Variants in PSME4 observed in about 807,000 individuals in gnomAD.
The protein encoded by PSME4 is proteasome activator complex subunit 4.
Under a neutral mutation model 253.9 loss-of-function variants are expected in PSME4, and 89 were observed. That is an observed-to-expected ratio of 0.35 (90% CI 0.30 to 0.42). PSME4 has a LOEUF of 0.42. PSME4 is among the 10% of genes least tolerant of loss of function. The pLI is 1.00. For synonymous variants in PSME4, 851 were observed against 759.2 expected (o/e 1.12, Z -1.99); for missense variants, 2,014 against 2,195.2 (o/e 0.92, Z 1.65).
At chr2:53,901,252 A>G in intron 28 of PSME4, 98 bp downstream of exon 28, 1 of 1,138,232 alleles carries the variant, frequency 8.8e-7, no homozygotes. Flanking sequence ...CTCAAATGCC[A>G]AGAATATTAT....
chr2:53,970,689 G>C lies in PSME4; in HGVS notation c.96C>G (p.Ile32Met). The C allele has an allele frequency of 1.3e-6, 2 of 1,549,872 alleles. No homozygotes were observed. The highest frequency in any genetic ancestry group is 2.4e-5 in the South Asian group (2 of 84,024). ...CGTAGGGCAGCAGCTTGTTGTAGAC[G>C]ATCTCCTTCTGCGGGACGAAGCCCC... ...GPRGFVPQKE[I>M]VYNKLLPYAE... Residue 32 changes from isoleucine (I) to methionine (M), a missense_variant, in exon 1 of 47, where the codon ATC (isoleucine) becomes ATG (methionine). Physicochemically the swap from Ile to Met is conservative, Grantham distance 10 (BLOSUM62 1). Coordinates refer to ENST00000404125, the MANE Select transcript of PSME4 (RefSeq NM_014614.3).
chr2:53,932,136 C>G, intron 9 of PSME4, 36 bp from the exon 10 acceptor site: 1 of 1,591,056 alleles, frequency 6.3e-7, no homozygotes, highest in Non-Finnish European at 8.6e-7. Flanking sequence ...TAAGTAGGTT[C>G]TACTTTGCCG....
intron 20 of PSME4, among the ~76,000 whole-genome samples, chr2:53,917,775 T>C (rs1319871572): frequency 2.0e-5 from 3 of 152,214 alleles, no homozygotes; most frequent in Non-Finnish European, 4.4e-5. Flanking sequence ...GTTAAGATCA[T>C]AGGTGAAAAT....
In PSME4 at chr2:53,970,932, G is replaced by T; in HGVS notation, c.-148C>A. On this transcript the variant is annotated 5_prime_UTR_variant, in exon 1 of 47. Coordinates refer to ENST00000404125, the MANE Select transcript of PSME4 (RefSeq NM_014614.3). ...GACCGATCGCTAGGCCCCCTTCCCT[G>T]GCCGGCGTGCTGCTGGGCCCCACGC... The T allele has an allele frequency of 3.2e-6, 2 of 621,724 alleles. No homozygotes were observed. Among genetic ancestry groups the T allele is most frequent in the Non-Finnish European group, 2.5e-6 (1 of 397,674 alleles). The allele number at this position is 621,724 out of a possible 1,614,324, so 38.5% of individuals were successfully genotyped here.
intron 45 of PSME4, 137 bp downstream of exon 45, chr2:53,866,610 G>C: frequency 1.1e-6 from 1 of 922,754 alleles, no homozygotes; most frequent in Non-Finnish European, 1.6e-6. Context: ...AATAATTACT[G>C]GTGAGCAGAC....
intron 38 of PSME4, 78 bp downstream of exon 38, chr2:53,888,643 G>T: frequency 1.0e-6 from 1 of 997,002 alleles, no homozygotes; most frequent in South Asian, 1.4e-5. Flanking sequence ...TACAAGTATA[G>T]ACCATTCATT....
At chr2:53,966,760 G>A (rs111773079) in intron 1 of PSME4, among the ~76,000 whole-genome samples, 1 of 152,014 alleles carries the variant, frequency 6.6e-6, no homozygotes, top group African/African-American at 2.4e-5. Context: ...CGAGGCTGGA[G>A]TGGCGCTTGG....
At chr2:53,962,794 T>C (rs188594369) in intron 1 of PSME4, among the ~76,000 whole-genome samples, 40 of 151,948 alleles carry the variant, frequency 2.6e-4, no homozygotes, top group African/African-American at 9.2e-4. Context: ...AGGCGGATCA[T>C]GAGGTCTGGA....
chr2:53,917,538 T>C (rs981638927), intron 20 of PSME4, among the ~76,000 whole-genome samples: 1 of 152,156 alleles, frequency 6.6e-6, no homozygotes, highest in Non-Finnish European at 1.5e-5. Context: ...TTGGCCTCTT[T>C]AGCTGACCCT....
chr2:53,946,143 G>T (rs1669688061), intron 3 of PSME4, among the ~76,000 whole-genome samples: 1 of 152,180 alleles, frequency 6.6e-6, no homozygotes, highest in Non-Finnish European at 1.5e-5. Flanking sequence ...GAAAGCCATA[G>T]ATACTTATTA....
In PSME4 at chr2:53,885,708, A is replaced by C; in HGVS notation, c.4797T>G (p.Leu1599=). 6.2e-7 allele frequency: 1 copy of C among 1,611,982 alleles called. No individual in the cohort carries two copies. The highest frequency in any genetic ancestry group is 8.5e-7 in the Non-Finnish European group (1 of 1,178,272). Residue 1599 remains leucine (L), a synonymous_variant, in exon 41 of 47, where the codon CTT becomes CTG. Transcript: ENST00000404125. ...ACCTTACCTTGAAAAACAAAGGTAG[A>C]AGCTGAAGTTGTTCTGTAACTGCTG... ...FSTAVTEQLQ[L]LPLFFKIAPV...
intron 14 of PSME4, 45 bp downstream of exon 14, chr2:53,925,494 G>A: frequency 1.4e-6 from 2 of 1,447,658 alleles, no homozygotes; most frequent in Admixed American, 2.0e-5. Context: ...AACATCAAAT[G>A]AAACTTAAAA....
At chr2:53,945,977 C>T (rs990958872) in intron 3 of PSME4, among the ~76,000 whole-genome samples, 1 of 152,098 alleles carries the variant, frequency 6.6e-6, no homozygotes, top group South Asian at 2.1e-4. Flanking sequence ...TCAGTCACAA[C>T]GTCTCTTCAA....
Position 53,885,724 on chromosome 2 carries a change from G to A in PSME4, c.4781C>T (p.Thr1594Ile). 6.2e-7 allele frequency: 1 copy of A among 1,613,090 alleles called. No homozygotes were observed. Among genetic ancestry groups the A allele is most frequent in the South Asian group, 1.1e-5 (1 of 91,024 alleles). Residue 1594 changes from threonine (T) to isoleucine (I), a missense_variant, in exon 41 of 47, where the codon ACA (threonine) becomes ATA (isoleucine). Thr to Ile is a moderately conservative substitution (Grantham distance 89). Transcript: ENST00000404125. ...CAAAGGTAGAAGCTGAAGTTGTTCT[G>A]TAACTGCTGTAGAAAAGGATCTTCC... ...SAGRSFSTAV[T>I]EQLQLLPLFF...
At chr2:53,906,457 G>A in intron 26 of PSME4, 141 bp downstream of exon 26, 4 of 1,287,530 alleles carry the variant, frequency 3.1e-6, no homozygotes, top group Non-Finnish European at 4.0e-6. Flanking sequence ...GTAATTACTG[G>A]AAATTACAAT....
chr2:53,963,294 T>C (rs1378104657), intron 1 of PSME4, among the ~76,000 whole-genome samples: 1 of 151,800 alleles, frequency 6.6e-6, no homozygotes, highest in Non-Finnish European at 1.5e-5. Flanking sequence ...GCACTCCCTA[T>C]GATTCCAGCC....
intron 1 of PSME4, among the ~76,000 whole-genome samples, chr2:53,967,260 T>C (rs1306624706): frequency 2.0e-5 from 3 of 152,142 alleles, no homozygotes; most frequent in East Asian, 1.9e-4. Flanking sequence ...CTCTATCACA[T>C]GGCCAAGTAT....
In PSME4 at chr2:53,866,599, T is replaced by A. The variant is rs191088998; in HGVS notation, c.5397+148A>T. 43 of 852,796 alleles carry A rather than the reference T, an allele frequency of 5.0e-5. No homozygotes were observed. In the African/African-American group the frequency reaches 6.6e-4, roughly 13 times the overall value. The allele number at this position is 852,796 out of a possible 1,614,324, so 52.8% of individuals were successfully genotyped here. On this transcript the variant is annotated intron_variant, in intron 45 of 46. Coordinates refer to ENST00000404125, the MANE Select transcript of PSME4 (RefSeq NM_014614.3). ...TGGCAGCAAGGTCTCTGTAATTTTT[T>A]AATAATTACTGGTGAGCAGACTAAG...
intron 3 of PSME4, among the ~76,000 whole-genome samples, chr2:53,943,382 T>C (rs1482042185): frequency 2.0e-5 from 3 of 152,226 alleles, no homozygotes; most frequent in Admixed American, 2.0e-4. Context: ...CAGTTATACT[T>C]GCCTTCTCTA....
Sources: allele counts gnomAD v4.1 joint callset (sites outside exome capture counted in the v4.1 genomes callset), GRCh38; gene constraint gnomAD v4.1.1; transcripts MANE v1.5; gene names NCBI Gene and HGNC (gene_info 2026-07-23, HGNC 2026-07-21).